SINHCAF: variants seen among roughly 807,000 people sequenced by gnomAD.
SINHCAF encodes SIN3-HDAC complex associated factor, also known as SIN3-HDAC complex-associated factor.
SINHCAF carries 3 observed loss-of-function variants against 25.8 expected under a neutral mutation model. The ratio of observed to expected loss-of-function variants is 0.12; its 90% CI spans 0.05 to 0.30. SINHCAF has a LOEUF of 0.30. Ranked by LOEUF, SINHCAF falls within the 10% of genes least tolerant of loss-of-function variation. SINHCAF has a pLI of 1.00. For synonymous variants in SINHCAF, 70 were observed against 85.5 expected (o/e 0.82, Z 1.00); for missense variants, 121 against 262.3 (o/e 0.46, Z 3.72).
intron 4 of SINHCAF, among the ~76,000 whole-genome samples, chr12:31,288,208 C>G (rs1188828388): frequency 6.6e-6 from 1 of 151,936 alleles, no homozygotes. Context: ...ACAATCAAAA[C>G]AACAACAACA....
Position 31,282,633 on chromosome 12 carries a change from G to T in SINHCAF, c.*79C>A. 2 of 1,245,796 alleles carry T rather than the reference G, an allele frequency of 1.6e-6. No homozygotes were observed. Among genetic ancestry groups the T allele is most frequent in the African/African-American group, 1.7e-5 (1 of 59,820 alleles). 77.2% of individuals were successfully genotyped at this position (1,245,796 alleles called of 1,614,324 possible). On this transcript the variant is annotated 3_prime_UTR_variant, in exon 6 of 6. Coordinates refer to ENST00000337682, the MANE Select transcript of SINHCAF (RefSeq NM_001135812.2). ...GCAAAACTCCGTCTCAAAAAAAAAA[G>T]AGGGTCAGTTTGTAGCTTTGTGGTT...
At chr12:31,286,767 G>C (rs1156483559) in intron 5 of SINHCAF, among the ~76,000 whole-genome samples, 3 of 151,962 alleles carry the variant, frequency 2.0e-5, no homozygotes, top group Admixed American at 2.0e-4. Flanking sequence ...AGTGGCTGAT[G>C]ATATATTTGT....
chr12:31,318,256 G>A (rs1939568037), intron 1 of SINHCAF, among the ~76,000 whole-genome samples: 2 of 152,158 alleles, frequency 1.3e-5, no homozygotes, highest in African/African-American at 4.8e-5. Flanking sequence ...GGAAACCCAT[G>A]GAGCAGTAAG....
At position 31,321,404 on chromosome 12, in the gene SINHCAF, C is replaced by G. The variant is rs530988539; in HGVS notation, c.-21+4620G>C. ...GCTTTCTTAAGGTAAGGGAGGGGACCAAAGACACTCATTCTTTCCACTAAA... is the reference window on the plus strand; with the variant it reads ...GCTTTCTTAAGGTAAGGGAGGGGACGAAAGACACTCATTCTTTCCACTAAA... On this transcript the variant is annotated intron_variant, in intron 1 of 5. Coordinates refer to ENST00000337682, the MANE Select transcript of SINHCAF (RefSeq NM_001135812.2). Among the ~76,000 whole-genome samples the G allele has an allele frequency of 5.9e-5, 9 of 152,204 alleles. No individual in the cohort carries two copies. In the East Asian group the frequency reaches 1.7e-3, roughly 29 times the overall value.
rs1014257849 is a variant in SINHCAF at position 31,324,167 on chromosome 12, C to G, written c.-21+1857G>C. ...CCTCACCTGCGCCGGAACAACGGGC[C>G]CCGCGCCAGCCCGGCCCGGCGCCTC... is the stretch of plus-strand genomic sequence containing the variant. On this transcript the variant is annotated intron_variant, in intron 1 of 5. Transcript: ENST00000337682. This position sits in a 1 kb window ranked among gnomAD's most constrained non-coding sequence, Gnocchi z 5.5. 7.4e-6 allele frequency: 2 copies of G among 270,712 alleles called. No homozygotes were observed. Among genetic ancestry groups the G allele is most frequent in the East Asian group, 1.6e-4 (1 of 6,226 alleles). 16.8% of individuals were successfully genotyped at this position (270,712 alleles called of 1,614,324 possible).
At position 31,298,136 on chromosome 12, in the gene SINHCAF, G is replaced by A. The variant is rs747887103; in HGVS notation, c.69C>T (p.Ser23=). ...IEGCCICRAK[S]SSSRFTDSKR... ...TACTGTCAGTGAATCGAGAACTGGA[G>A]GACTTAGCTCTGCAAATACAGCAGC... The change falls in exon 2 of 6, where the codon TCC becomes TCT. Residue 23 remains serine, a synonymous_variant. Transcript: ENST00000337682. The A allele has an allele frequency of 8.1e-6, 13 of 1,614,172 alleles. No individual in the cohort carries two copies. Among genetic ancestry groups the A allele is most frequent in the Non-Finnish European group, 1.0e-5 (12 of 1,180,008 alleles).
In SINHCAF at chr12:31,324,617, C is replaced by T. The variant is rs937385572; in HGVS notation, c.-21+1407G>A. 1 of 261,164 alleles carries T rather than the reference C, an allele frequency of 3.8e-6. No homozygotes were observed. Among genetic ancestry groups the T allele is most frequent in the African/African-American group, 2.3e-5 (1 of 43,504 alleles). 16.2% of individuals were successfully genotyped at this position (261,164 alleles called of 1,614,324 possible). A position where few individuals can be genotyped will look rare whatever the true frequency, so the allele number is the denominator to read the frequency against. On this transcript the variant is annotated intron_variant, in intron 1 of 5. Transcript: ENST00000337682. The surrounding 1 kb of genome is among the most constrained non-coding windows in gnomAD (Gnocchi z 5.5). ...ACGGCCCTACGCCCAGGCGGCGGCC[C>T]CGAGCGCCGGGGGCCCGCACGGGCA...
intron 1 of SINHCAF, among the ~76,000 whole-genome samples, chr12:31,300,746 A>C (rs942064109): frequency 1.3e-5 from 2 of 152,158 alleles, no homozygotes; most frequent in Non-Finnish European, 2.9e-5. Flanking sequence ...TTTTAAGGCA[A>C]AATGTTAATA....
chr12:31,325,316 G>GT lies in SINHCAF; in HGVS notation c.-21+707dup. On this transcript the variant is annotated intron_variant, in intron 1 of 5. Transcript: ENST00000337682. This position sits in a 1 kb window ranked among gnomAD's most constrained non-coding sequence, Gnocchi z 5.9. ...AGGGCAGGCGAGTGGAAGACGGGCT[G>GT]TTTTTAAGCGACCGCGTGTTGCTCT... is the stretch of plus-strand genomic sequence containing the variant. The GT allele has an allele frequency of 2.3e-6, 1 of 441,118 alleles. No individual in the cohort carries two copies. Among genetic ancestry groups the GT allele is most frequent in the Non-Finnish European group, 4.6e-6 (1 of 219,566 alleles). The allele number at this position is 441,118 out of a possible 1,614,324, so 27.3% of individuals were successfully genotyped here.
chr12:31,323,829 C>T, intron 1 of SINHCAF: 1 of 421,294 alleles, frequency 2.4e-6, no homozygotes, highest in South Asian at 1.7e-5. Flanking sequence ...GGGGCTGGGT[C>T]CCCTGGACTT....
At chr12:31,314,599 GA>G (rs1314473261) in intron 1 of SINHCAF, among the ~76,000 whole-genome samples, 2 of 151,426 alleles carry the variant, frequency 1.3e-5, no homozygotes, top group African/African-American at 4.9e-5. Flanking sequence ...TACTTCTGAA[GA>G]TTTTTTTTTT....
intron 3 of SINHCAF, among the ~76,000 whole-genome samples, chr12:31,294,715 G>A (rs1045138751): frequency 1.3e-5 from 2 of 152,120 alleles, no homozygotes; most frequent in Admixed American, 6.5e-5. Context: ...TAGTGTGAAC[G>A]ATAACTGTGT....
intron 2 of SINHCAF, chr12:31,296,811 G>A (rs1253427825): frequency 1.7e-5 from 4 of 237,118 alleles, no homozygotes; most frequent in Admixed American, 1.6e-4. Context: ...AGCCATGACA[G>A]TGACACTGCA....
intron 1 of SINHCAF, among the ~76,000 whole-genome samples, chr12:31,313,360 T>C (rs1939358327): frequency 6.6e-6 from 1 of 152,180 alleles, no homozygotes; most frequent in Admixed American, 6.5e-5. Flanking sequence ...ACTGCAGTGG[T>C]ACTGCTGTCA....
intron 1 of SINHCAF, among the ~76,000 whole-genome samples, chr12:31,310,245 C>G (rs916087068): frequency 6.6e-6 from 1 of 152,120 alleles, no homozygotes; most frequent in Non-Finnish European, 1.5e-5. Context: ...ATTAGGTATA[C>G]CCACCATGTT....
chr12:31,284,169 A>C lies in SINHCAF; in HGVS notation c.507-1298T>G, dbSNP rs983048950. Among the ~76,000 whole-genome samples, 5 of 152,298 alleles carry C rather than the reference A, an allele frequency of 3.3e-5. No homozygotes were observed. The East Asian group carries it at 5.8e-4, about 18-fold the overall frequency. On this transcript the variant is annotated intron_variant, in intron 5 of 5. Coordinates refer to ENST00000337682, the MANE Select transcript of SINHCAF (RefSeq NM_001135812.2). Reference sequence around the variant, plus strand: ...ATAACTATTTACACCTATAACTGACAGTGTTCTCATCATTCCATACCTTCT... The same window carrying C: ...ATAACTATTTACACCTATAACTGACCGTGTTCTCATCATTCCATACCTTCT...
At chr12:31,303,545 C>T (rs913072109) in intron 1 of SINHCAF, 1 of 152,116 alleles carries the variant, frequency 6.6e-6, no homozygotes, top group African/African-American at 2.4e-5. Context: ...AACTCCTAGC[C>T]TCAAGCAGTC....
chr12:31,295,732 TGTG>T (rs1361151173), intron 2 of SINHCAF, among the ~76,000 whole-genome samples: 4 of 151,578 alleles, frequency 2.6e-5, no homozygotes, highest in African/African-American at 4.9e-5. Flanking sequence ...ATCAGCCTGG[TGTG>T]GTGGTGCACA....
At chr12:31,292,971 G>C (rs762186292) in intron 4 of SINHCAF, among the ~76,000 whole-genome samples, 2 of 152,112 alleles carry the variant, frequency 1.3e-5, no homozygotes, top group Admixed American at 6.5e-5. Context: ...GAAAGCTCTG[G>C]AAACAGAAAG....
Sources: gnomAD v4.1 joint callset for allele counts (sites outside exome capture counted in the v4.1 genomes callset) on GRCh38, gnomAD v4.1.1 for gene constraint, Gnocchi (gnomAD v3.1) non-coding constraint, MANE v1.5 for transcripts, NCBI Gene and HGNC (gene_info 2026-07-23, HGNC 2026-07-21) for gene names.